FGD4: variants seen among roughly 807,000 people sequenced by gnomAD.
The protein encoded by FGD4 is FYVE, RhoGEF and PH domain containing 4.
A neutral mutation model predicts 102.0 loss-of-function variants in FGD4; 42 were observed. That is an observed-to-expected ratio of 0.41 (90% CI 0.32 to 0.53). FGD4 has a LOEUF of 0.53. FGD4 is among the 20% of genes least tolerant of loss of function. The pLI, the probability that FGD4 is intolerant of heterozygous loss-of-function variation, is 0.21. For synonymous variants in FGD4, 380 were observed against 375.7 expected (o/e 1.01, Z -0.13); for missense variants, 902 against 1,078.2 (o/e 0.84, Z 2.29).
At chr12:32,600,418 G>A (rs1948305816) in intron 5 of FGD4, 1 of 1,286,720 alleles carries the variant, frequency 7.8e-7, no homozygotes, top group Non-Finnish European at 1.0e-6. Context: ...AGAAAATAGA[G>A]TGGAGGTGAA....
At chr12:32,537,357 T>G (rs965782457) in intron 1 of FGD4, among the ~76,000 whole-genome samples, 1 of 152,222 alleles carries the variant, frequency 6.6e-6, no homozygotes, top group Non-Finnish European at 1.5e-5. Context: ...TTGCCCTGCT[T>G]TAGGTTACAC....
At position 32,588,509 on chromosome 12, in the gene FGD4, G is replaced by A. The variant is rs573010415; in HGVS notation, c.1011+6042G>A. Among the ~76,000 whole-genome samples the A allele has an allele frequency of 1.6e-4, 24 of 152,306 alleles. 1 individual carries two copies. The highest frequency in any genetic ancestry group is 7.8e-4 in the Admixed American group (12 of 15,300). The stretch of plus-strand genomic sequence containing the variant: ...AGGACGGACTGAGGGACCACAGCAC[G>A]GAGGTAGCTTGCAGGCTTGGTGATT... On this transcript the variant is annotated intron_variant, in intron 4 of 16. Transcript: ENST00000534526.
In FGD4 at chr12:32,435,989, TTGG is replaced by T. The variant is rs531478200; in HGVS notation, c.166+36034_166+36036del. ...CCTTAGGGACTTTCTCAAAGTACCC[TTGG>T]TGGACATAAGGTTATCCTCACTCAA... On this transcript the variant is annotated intron_variant, in intron 1 of 16. Transcript: ENST00000534526. Among the ~76,000 whole-genome samples the T allele has an allele frequency of 1.3e-3, 201 of 152,330 alleles. 1 individual carries two copies. The highest frequency in any genetic ancestry group is 4.5e-3 in the African/African-American group (187 of 41,580).
chr12:32,570,259 A>G (rs941648347), intron 2 of FGD4, among the ~76,000 whole-genome samples: 1 of 150,590 alleles, frequency 6.6e-6, no homozygotes, highest in African/African-American at 2.5e-5. Context: ...AAAAAAAAAA[A>G]AAAGAAATGC....
chr12:32,405,261 GT>G lies in FGD4; in HGVS notation c.166+5321del, dbSNP rs11396808. 3.4e-3 allele frequency among the ~76,000 whole-genome samples: 365 copies of G among 108,728 alleles called. 4 individuals are homozygous for G. The highest frequency in any genetic ancestry group is 6.8e-3 in the Admixed American group (65 of 9,618). The allele number at this position is 108,728 out of a possible 152,430, so 71.3% of individuals were successfully genotyped here. A position where few individuals can be genotyped will look rare whatever the true frequency, so the allele number is the denominator to read the frequency against. The stretch of plus-strand genomic sequence containing the variant: ...AGAACAGTTTAAAGAGCAGTCAGTG[GT>G]TTTTTTTTTTTTTTTTTTAGAAGGA... On this transcript the variant is annotated intron_variant, in intron 1 of 16. Coordinates refer to ENST00000534526, the MANE Select transcript of FGD4 (RefSeq NM_001370298.3).
intron 1 of FGD4, among the ~76,000 whole-genome samples, chr12:32,520,429 T>TTTTTTTG (rs1224712733): frequency 2.5e-5 from 3 of 119,234 alleles, no homozygotes; most frequent in South Asian, 2.6e-4. Flanking sequence ...TTGTGGGTTT[T>TTTTTTTG]TTTGTTTTTT....
At chr12:32,593,966 T>C (rs546213318) in intron 4 of FGD4, among the ~76,000 whole-genome samples, 19 of 152,124 alleles carry the variant, frequency 1.2e-4, no homozygotes, top group Non-Finnish European at 2.4e-4. Context: ...CATGACATTA[T>C]AGAAAGGAAA....
intron 1 of FGD4, among the ~76,000 whole-genome samples, chr12:32,489,879 T>C (rs1052543722): frequency 2.0e-5 from 3 of 152,220 alleles, no homozygotes; most frequent in African/African-American, 7.2e-5. Context: ...GTTCTTCATA[T>C]ATTCTGTATT....
At chr12:32,587,318 A>G (rs1380418027) in intron 4 of FGD4, among the ~76,000 whole-genome samples, 1 of 152,050 alleles carries the variant, frequency 6.6e-6, no homozygotes, top group East Asian at 1.9e-4. Context: ...GACCACTGAC[A>G]CATCACTTTT....
At chr12:32,500,396 TATTTTA>T (rs1226399618) in intron 1 of FGD4, among the ~76,000 whole-genome samples, 30 of 14,370 alleles carry the variant, frequency 2.1e-3, no homozygotes, top group African/African-American at 7.2e-3. Flanking sequence ...ATTTTATTTT[TATTTTA>T]TTTTATTTTA....
At chr12:32,499,198 A>G (rs1464785515) in intron 1 of FGD4, among the ~76,000 whole-genome samples, 4 of 152,246 alleles carry the variant, frequency 2.6e-5, no homozygotes, top group Admixed American at 1.3e-4. Context: ...CCGCCTGCGC[A>G]GTATTTGAGG....
At position 32,642,089 on chromosome 12, in the gene FGD4, CTTA is replaced by C. The variant is rs1173358892; in HGVS notation, c.*1559_*1561del. ...CAGGCCTTGTTACTTTAAGAAATAT[CTTA>C]TTTTTTCCACCCCAAAGGAGCAAGT... On this transcript the variant is annotated 3_prime_UTR_variant, in exon 17 of 17. Transcript: ENST00000534526. 3 of 152,032 alleles carry C rather than the reference CTTA, an allele frequency of 2.0e-5. No individual in the cohort carries two copies. Among genetic ancestry groups the C allele is most frequent in the Non-Finnish European group, 4.4e-5 (3 of 67,936 alleles). 9.4% of individuals were successfully genotyped at this position (152,032 alleles called of 1,614,324 possible). A position where few individuals can be genotyped will look rare whatever the true frequency, so the allele number is the denominator to read the frequency against.
At chr12:32,480,404 C>T (rs1280515126) in intron 1 of FGD4, among the ~76,000 whole-genome samples, 7 of 151,286 alleles carry the variant, frequency 4.6e-5, no homozygotes, top group African/African-American at 1.2e-4. Flanking sequence ...CTTCGTGATC[C>T]GCCCACTTCG....
At chr12:32,625,862 T>G (rs1220441756) in intron 14 of FGD4, 83 bp downstream of exon 14, 5 of 1,576,774 alleles carry the variant, frequency 3.2e-6, no homozygotes, top group Non-Finnish European at 4.4e-6. Flanking sequence ...CACAAAAAAA[T>G]GACTTTCAAC....
chr12:32,551,265 G>A (rs117959342), intron 1 of FGD4, among the ~76,000 whole-genome samples: 3,660 of 152,268 alleles, frequency 0.024, 58 homozygotes, highest in Middle Eastern at 0.037. Context: ...TTAGGAGGCT[G>A]GAGGAGCAGA....
intron 1 of FGD4, among the ~76,000 whole-genome samples, chr12:32,505,437 C>T (rs566036094): frequency 6.6e-6 from 1 of 152,262 alleles, no homozygotes; most frequent in South Asian, 2.1e-4. Context: ...ATATGTGTGC[C>T]AATTGATTTG....
At chr12:32,516,114 G>T (rs1939856342) in intron 1 of FGD4, among the ~76,000 whole-genome samples, 1 of 152,138 alleles carries the variant, frequency 6.6e-6, no homozygotes, top group Non-Finnish European at 1.5e-5. Context: ...CAATTGGGGG[G>T]TGGGGGATTT....
At chr12:32,491,173 G>A (rs1944083533) in intron 1 of FGD4, among the ~76,000 whole-genome samples, 2 of 143,542 alleles carry the variant, frequency 1.4e-5, no homozygotes. Context: ...AAATTGGAAA[G>A]GTATATAAGC....
rs1937772781 is a variant in FGD4 at position 32,495,728 on chromosome 12, C to T, written c.167-68409C>T. 2.1e-5 allele frequency among the ~76,000 whole-genome samples: 3 copies of T among 146,006 alleles called. No homozygotes were observed. In the South Asian group the frequency reaches 6.4e-4, roughly 31 times the overall value. Reference sequence around the variant, plus strand: ...AAAAAAAAAAGAAGCTTTTCAGAATCCCCTCCACTACCTCCTTCCATATCC... The same window carrying T: ...AAAAAAAAAAGAAGCTTTTCAGAATTCCCTCCACTACCTCCTTCCATATCC... On this transcript the variant is annotated intron_variant, in intron 1 of 16. Transcript: ENST00000534526.
Sources: allele counts gnomAD v4.1 joint callset (sites outside exome capture counted in the v4.1 genomes callset), GRCh38; gene constraint gnomAD v4.1.1; transcripts MANE v1.5; gene names NCBI Gene and HGNC (gene_info 2026-07-23, HGNC 2026-07-21).